The following IQCM variants were observed in gnomAD, a reference collection of about 807,000 sequenced individuals.
IQCM encodes the protein IQ domain-containing protein M.
In IQCM, 45 loss-of-function variants were observed where a neutral mutation model predicts 57.6. The ratio of observed to expected loss-of-function variants is 0.78; its 90% CI spans 0.62 to 1.00. IQCM has a LOEUF of 1.00. Among genes scored for constraint, IQCM ranks in the 50% least tolerant of loss-of-function variants. The pLI is 0.00. For synonymous variants in IQCM, 148 were observed against 158.9 expected (o/e 0.93, Z 0.51); for missense variants, 468 against 511.6 (o/e 0.91, Z 0.82).
chr4:149,717,868 G>A (rs116062591), intron 5 of IQCM, among the ~76,000 whole-genome samples: 11 of 152,268 alleles, frequency 7.2e-5, no homozygotes, highest in African/African-American at 2.6e-4. Context: ...TTTAATAACC[G>A]GTTTATGGTT....
At chr4:149,512,494 A>G (rs1200027344) in intron 12 of IQCM, among the ~76,000 whole-genome samples, 2 of 152,204 alleles carry the variant, frequency 1.3e-5, no homozygotes, top group Admixed American at 6.6e-5. Context: ...ATAAATTTTA[A>G]TGGACAGCTT....
chr4:149,636,597 TAG>T (rs1561088305), intron 7 of IQCM, among the ~76,000 whole-genome samples: 2 of 152,182 alleles, frequency 1.3e-5, no homozygotes, highest in Admixed American at 1.3e-4. Flanking sequence ...TCTACACTGA[TAG>T]CAGGCAATTA....
chr4:149,750,877 G>A (rs887266178), intron 2 of IQCM, among the ~76,000 whole-genome samples: 1 of 152,142 alleles, frequency 6.6e-6, no homozygotes, highest in South Asian at 2.1e-4. Context: ...TGTTCCAATA[G>A]AATTATGCTG....
intron 12 of IQCM, among the ~76,000 whole-genome samples, chr4:149,547,417 CACTT>C (rs1268508651): frequency 6.6e-6 from 1 of 151,874 alleles, no homozygotes; most frequent in East Asian, 1.9e-4. Flanking sequence ...TGTGTAGTCT[CACTT>C]ATATGGGAAA....
intron 13 of IQCM, among the ~76,000 whole-genome samples, chr4:149,391,422 T>C (rs926427990): frequency 1.3e-5 from 2 of 151,952 alleles, no homozygotes; most frequent in Non-Finnish European, 2.9e-5. Context: ...TTTTGTTGAT[T>C]TTTTTAAAAA....
At chr4:149,487,765 A>G (rs1252997610) in intron 12 of IQCM, among the ~76,000 whole-genome samples, 1 of 152,038 alleles carries the variant, frequency 6.6e-6, no homozygotes, top group Non-Finnish European at 1.5e-5. Context: ...TCCTTCCTTA[A>G]AATGCACAGG....
In IQCM at chr4:149,368,976, GTATATATATACACGTGTATATA is replaced by G. The variant is rs1376037085; in HGVS notation, c.1391-16932_1391-16911del. On this transcript the variant is annotated intron_variant, in intron 13 of 13. Transcript: ENST00000636793. ...TATATACACGTGTATATATATATGT[GTATATATATACACGTGTATATA>G]TATATATATACACGTGTATATATAT... Among the ~76,000 whole-genome samples the G allele has an allele frequency of 4.0e-3, 134 of 33,428 alleles. 18 individuals are homozygous for G. The highest frequency in any genetic ancestry group is 0.013 in the African/African-American group (126 of 9,778). 21.9% of individuals were successfully genotyped at this position (33,428 alleles called of 152,430 possible).
intron 12 of IQCM, among the ~76,000 whole-genome samples, chr4:149,453,786 A>G (rs550872595): frequency 6.6e-6 from 1 of 152,020 alleles, no homozygotes; most frequent in South Asian, 2.1e-4. Context: ...AAAATAGTGC[A>G]ACAACTTTGC....
At chr4:149,601,436 T>A (rs1211645080) in intron 8 of IQCM, among the ~76,000 whole-genome samples, 2 of 152,186 alleles carry the variant, frequency 1.3e-5, no homozygotes, top group Admixed American at 6.5e-5. Flanking sequence ...AAGAAAAGGC[T>A]GTACATGTTC....
At chr4:149,460,925 TA>T (rs1019769100) in intron 12 of IQCM, among the ~76,000 whole-genome samples, 1 of 151,908 alleles carries the variant, frequency 6.6e-6, no homozygotes, top group African/African-American at 2.4e-5. Context: ...TTTTTCTGCT[TA>T]AAAAAAATCA....
intron 2 of IQCM, among the ~76,000 whole-genome samples, chr4:149,778,521 T>C (rs1036168434): frequency 6.6e-6 from 1 of 152,132 alleles, no homozygotes; most frequent in Non-Finnish European, 1.5e-5. Flanking sequence ...AGTTTTCACC[T>C]TCAAGAACTT....
chr4:149,599,025 T>A (rs2150027650), intron 8 of IQCM, among the ~76,000 whole-genome samples: 1 of 152,078 alleles, frequency 6.6e-6, no homozygotes, highest in East Asian at 1.9e-4. Flanking sequence ...TAATATGACA[T>A]CCCAGATGCA....
At chr4:149,470,979 G>T (rs1739465058) in intron 12 of IQCM, among the ~76,000 whole-genome samples, 1 of 152,190 alleles carries the variant, frequency 6.6e-6, no homozygotes, top group Non-Finnish European at 1.5e-5. Context: ...GTGTGTAGAG[G>T]GAAATTTATA....
chr4:149,433,357 C>T, intron 13 of IQCM, 39 bp downstream of exon 13: 1 of 918,480 alleles, frequency 1.1e-6, no homozygotes, highest in Non-Finnish European at 1.4e-6. Context: ...TAAGGTATCA[C>T]TTCTTCTTTA....
intron 12 of IQCM, among the ~76,000 whole-genome samples, chr4:149,509,431 A>G (rs1306220814): frequency 1.3e-5 from 2 of 152,072 alleles, no homozygotes; most frequent in Non-Finnish European, 2.9e-5. Context: ...GGCATGCACA[A>G]TTATGCTCAG....
At chr4:149,789,675 G>T (rs79493646) in intron 2 of IQCM, among the ~76,000 whole-genome samples, 36 of 152,276 alleles carry the variant, frequency 2.4e-4, no homozygotes, top group African/African-American at 7.9e-4. Context: ...GGAGGCTAAG[G>T]AGTTGGGAGG....
At chr4:149,502,312 G>A (rs1004625452) in intron 12 of IQCM, among the ~76,000 whole-genome samples, 1 of 151,936 alleles carries the variant, frequency 6.6e-6, no homozygotes, top group Admixed American at 6.6e-5. Flanking sequence ...AAATAAAATG[G>A]TAAAGAAAAT....
At chr4:149,593,467 G>T (rs1753422914) in intron 8 of IQCM, among the ~76,000 whole-genome samples, 1 of 151,876 alleles carries the variant, frequency 6.6e-6, no homozygotes, top group Admixed American at 6.6e-5. Context: ...CTGCCTGATT[G>T]CCCTGGCCAG....
chr4:149,706,769 C>G (rs1236177482), intron 5 of IQCM, among the ~76,000 whole-genome samples: 1 of 151,874 alleles, frequency 6.6e-6, no homozygotes, highest in African/African-American at 2.4e-5. Context: ...CTGGTCTTCT[C>G]TTTTCTACTA....
Sources: gnomAD v4.1 joint callset for allele counts (sites outside exome capture counted in the v4.1 genomes callset) on GRCh38, gnomAD v4.1.1 for gene constraint, MANE v1.5 for transcripts, NCBI Gene and HGNC (gene_info 2026-07-23, HGNC 2026-07-21) for gene names.